XKR9: variants seen among roughly 807,000 people sequenced by gnomAD.
The protein encoded by XKR9 is XK related 9.
In XKR9, 32 loss-of-function variants were observed where a neutral mutation model predicts 32.0. The observed-to-expected ratio is 1.00, with a 90% CI of 0.76 to 1.34. XKR9 has a LOEUF of 1.34. Among genes scored for constraint, XKR9 ranks in the 40% most tolerant of loss-of-function variants. XKR9 has a pLI of 0.00. For synonymous variants in XKR9, 168 were observed against 143.4 expected (o/e 1.17, Z -1.22); for missense variants, 546 against 429.7 (o/e 1.27, Z -2.39).
At chr8:70,754,763 C>G (rs1807193431) in intron 2 of XKR9, among the ~76,000 whole-genome samples, 1 of 151,410 alleles carries the variant, frequency 6.6e-6, no homozygotes, top group Non-Finnish European at 1.5e-5. Context: ...AAAATTAATT[C>G]AAGATGGATT....
intron 2 of XKR9, among the ~76,000 whole-genome samples, chr8:70,769,584 T>G (rs1586891130): frequency 6.6e-6 from 1 of 152,260 alleles, no homozygotes; most frequent in African/African-American, 2.4e-5. Context: ...CAATGAATTG[T>G]ACGTTTGGTT....
the XKR9 span, among the ~76,000 whole-genome samples, chr8:70,879,453 A>C: frequency 3.9e-5 from 6 of 152,042 alleles, no homozygotes; most frequent in African/African-American, 7.2e-5. Flanking sequence ...CAAATAGACA[A>C]AATAAAAAAT....
the XKR9 span, among the ~76,000 whole-genome samples, chr8:70,876,974 G>A: frequency 6.6e-6 from 1 of 152,082 alleles, no homozygotes; most frequent in Non-Finnish European, 1.5e-5. Flanking sequence ...TGTAATAGTA[G>A]TGTATTAGTC....
chr8:70,949,396 A>C, the XKR9 span, among the ~76,000 whole-genome samples: 1 of 152,060 alleles, frequency 6.6e-6, no homozygotes, highest in Non-Finnish European at 1.5e-5. Flanking sequence ...AGTTAAATGA[A>C]GATTTAGTAT....
chr8:70,699,375 CTGG>C (rs1190265448), intron 3 of XKR9, among the ~76,000 whole-genome samples: 2 of 151,996 alleles, frequency 1.3e-5, no homozygotes, highest in Non-Finnish European at 2.9e-5. Context: ...TAGGGCAGGC[CTGG>C]TGGTGACAAA....
chr8:70,906,007 C>G, the XKR9 span, among the ~76,000 whole-genome samples: 1 of 152,184 alleles, frequency 6.6e-6, no homozygotes, highest in East Asian at 1.9e-4. Flanking sequence ...CTTGGAGGGG[C>G]ACCCAGCTGT....
At chr8:70,903,573 C>G in the XKR9 span, among the ~76,000 whole-genome samples, 1 of 151,986 alleles carries the variant, frequency 6.6e-6, no homozygotes, top group African/African-American at 2.4e-5. Flanking sequence ...TTTTGTTGAT[C>G]TTTTCAAAAA....
downstream of XKR9, among the ~76,000 whole-genome samples, chr8:70,739,866 G>T (rs1017289510): frequency 2.0e-5 from 3 of 152,138 alleles, no homozygotes; most frequent in Non-Finnish European, 4.4e-5. Context: ...TCCCTTTGTG[G>T]GTAACCCAAC....
the XKR9 span, among the ~76,000 whole-genome samples, chr8:70,841,304 ATAAT>A: frequency 5.9e-3 from 898 of 152,340 alleles, 4 homozygotes; most frequent in South Asian, 0.018. Flanking sequence ...CAATAAAGAA[ATAAT>A]TAATCAGATT....
At chr8:71,020,887 C>T in the XKR9 span, among the ~76,000 whole-genome samples, 2 of 152,276 alleles carry the variant, frequency 1.3e-5, no homozygotes, top group East Asian at 3.9e-4. Context: ...TAGTACCTGT[C>T]TTAGTCTGTT....
chr8:70,856,317 C>T, the XKR9 span, among the ~76,000 whole-genome samples: 206 of 151,950 alleles, frequency 1.4e-3, no homozygotes, highest in African/African-American at 4.7e-3. Context: ...AATAAAGCAG[C>T]GTTGCAATCC....
chr8:70,703,353 TA>T (rs1228232936), intron 3 of XKR9, among the ~76,000 whole-genome samples: 1 of 152,130 alleles, frequency 6.6e-6, no homozygotes, highest in Non-Finnish European at 1.5e-5. Context: ...GAGGTGGCTA[TA>T]AAACAAAATA....
At chr8:70,964,369 C>A in the XKR9 span, among the ~76,000 whole-genome samples, 1 of 152,038 alleles carries the variant, frequency 6.6e-6, no homozygotes, top group South Asian at 2.1e-4. Context: ...GTTACTGTAG[C>A]CTTGTAGTAT....
downstream of XKR9, among the ~76,000 whole-genome samples, chr8:70,740,591 G>T (rs1301791194): frequency 6.6e-6 from 1 of 151,730 alleles, no homozygotes; most frequent in Non-Finnish European, 1.5e-5. Flanking sequence ...CCCCATCTTT[G>T]TGGTTTTATC....
chr8:70,816,596 A>G, the XKR9 span, among the ~76,000 whole-genome samples: 2 of 152,220 alleles, frequency 1.3e-5, no homozygotes, highest in Non-Finnish European at 2.9e-5. Context: ...CCAAAAGTCA[A>G]TGCTAAAGAA....
chr8:71,001,530 A>C, the XKR9 span, among the ~76,000 whole-genome samples: 3 of 152,286 alleles, frequency 2.0e-5, no homozygotes, highest in East Asian at 5.8e-4. Context: ...AAAATCACCT[A>C]CTTATTTTGC....
chr8:70,715,329 C>A (rs1392249580), intron 4 of XKR9, among the ~76,000 whole-genome samples: 2 of 152,038 alleles, frequency 1.3e-5, no homozygotes, highest in Non-Finnish European at 2.9e-5. Flanking sequence ...AGAAAGTAAG[C>A]AAGAATAGAA....
the XKR9 span, among the ~76,000 whole-genome samples, chr8:70,905,181 G>A: frequency 3.3e-5 from 5 of 152,104 alleles, no homozygotes; most frequent in East Asian, 5.8e-4. Flanking sequence ...TTGCTAGGTT[G>A]GGATGTTCTC....
At chr8:70,794,688 C>T (rs188171313), downstream of XKR9, among the ~76,000 whole-genome samples, 299 of 151,844 alleles carry the variant, frequency 2.0e-3, 1 homozygote, top group African/African-American at 7.0e-3. Context: ...ACCTTTATTC[C>T]TGGAATAAGT....
Sources: allele counts gnomAD v4.1 joint callset (sites outside exome capture counted in the v4.1 genomes callset), GRCh38; gene constraint gnomAD v4.1.1; transcripts MANE v1.5; gene names NCBI Gene and HGNC (gene_info 2026-07-23, HGNC 2026-07-21).